The following SLC35D1 variants were observed in gnomAD, a reference collection of about 807,000 sequenced individuals.
SLC35D1 encodes the protein solute carrier family 35 member D1.
Under a neutral mutation model 46.7 loss-of-function variants are expected in SLC35D1, and 31 were observed. The ratio of observed to expected loss-of-function variants is 0.66; its 90% confidence interval spans 0.50 to 0.90. The LOEUF (loss-of-function observed/expected upper bound fraction) is 0.90, where lower values mean the gene tolerates loss of function less well. Among genes scored for constraint, SLC35D1 ranks in the 40% least tolerant of loss-of-function variants. The probability of loss-of-function intolerance (pLI) is 0.00; values close to 1 mark genes in which losing one functional copy is unlikely to be tolerated. For synonymous variants in SLC35D1, 195 were observed against 164.6 expected, an observed-to-expected ratio of 1.18 and a Z score of -1.41; for missense variants, 397 against 426.2, an observed-to-expected ratio of 0.93 and a Z score of 0.60.
intron 11 of SLC35D1, chr1:67,008,435 G>A: frequency 2.3e-6 from 3 of 1,288,606 alleles, no homozygotes; most frequent in Non-Finnish European, 3.0e-6. Context: ...AGAGACCTCT[G>A]TGGCAGATAC....
At chr1:66,987,799 A>G in the SLC35D1 span, 6 of 152,186 alleles carry the variant, frequency 3.9e-5, no homozygotes, top group African/African-American at 1.4e-4. Context: ...TTCTATTCCT[A>G]GACATATTGC....
At chr1:67,027,565 C>T (rs907441345) in intron 8 of SLC35D1, among the ~76,000 whole-genome samples, 4 of 152,146 alleles carry the variant, frequency 2.6e-5, no homozygotes, top group Non-Finnish European at 5.9e-5. Context: ...TGAGCCACCT[C>T]ATCCCAGCTA....
Position 67,000,510 on chromosome 1 carries a change from GAC to G in SLC35D1, c.*3828_*3829del, listed in dbSNP as rs1280790011. The G allele has an allele frequency of 6.6e-6, 1 of 152,216 alleles. No homozygotes were observed. Among genetic ancestry groups the G allele is most frequent in the Non-Finnish European group, 1.5e-5 (1 of 68,016 alleles). 9.4% of individuals were successfully genotyped at this position (152,216 alleles called of 1,614,324 possible). A position where few individuals can be genotyped will look rare whatever the true frequency, so the allele number is the denominator to read the frequency against. On this transcript the variant is annotated 3_prime_UTR_variant, in exon 12 of 12. Coordinates refer to ENST00000235345, the MANE Select transcript of SLC35D1 (RefSeq NM_015139.3). Reference sequence around the variant, plus strand: ...TACCTAAGGATTCTAGAGGCAATGAGACACAGAGTCCTGTTTTTCAGGACAGA... The same window carrying G: ...TACCTAAGGATTCTAGAGGCAATGAGACAGAGTCCTGTTTTTCAGGACAGA...
At chr1:66,974,835 T>C in the SLC35D1 span, among the ~76,000 whole-genome samples, 1 of 152,152 alleles carries the variant, frequency 6.6e-6, no homozygotes, top group South Asian at 2.1e-4. Context: ...AAAGTTCAGA[T>C]CTTAATCATA....
At position 67,000,885 on chromosome 1, in the gene SLC35D1, C is replaced by A. The variant is rs1667325784; in HGVS notation, c.*3455G>T. The A allele has an allele frequency of 6.6e-6, 1 of 152,182 alleles. No individual in the cohort carries two copies. The allele number at this position is 152,182 out of a possible 1,614,324, so 9.4% of individuals were successfully genotyped here. ...TTAACTAATATGAGTTACAAAAGTC[C>A]TCTCGGATTAAAAAAATGCTTTAGC... On this transcript the variant is annotated 3_prime_UTR_variant, in exon 12 of 12. Transcript: ENST00000235345.
chr1:67,021,724 G>GACAC (rs35069681), intron 8 of SLC35D1, 122 bp from the exon 9 acceptor site: 115 of 422,712 alleles, frequency 2.7e-4, no homozygotes, highest in African/African-American at 7.9e-4. Flanking sequence ...CACAGACACA[G>GACAC]ACACACACAC....
intron 8 of SLC35D1, chr1:67,031,874 A>G (rs1462572870): frequency 5.4e-6 from 1 of 185,216 alleles, no homozygotes; most frequent in Non-Finnish European, 1.0e-5. Flanking sequence ...TTTGCAAGCG[A>G]ATTTTTTATT....
chr1:67,031,181 T>C (rs919681638), intron 8 of SLC35D1, among the ~76,000 whole-genome samples: 1 of 152,128 alleles, frequency 6.6e-6, no homozygotes, highest in African/African-American at 2.4e-5. Flanking sequence ...AGAAAAATAA[T>C]TCTCATGGGA....
chr1:67,030,009 G>GTT (rs112700204), intron 8 of SLC35D1, among the ~76,000 whole-genome samples: 69 of 144,244 alleles, frequency 4.8e-4, no homozygotes, highest in African/African-American at 1.5e-3. Context: ...TTTGCACTAA[G>GTT]TTTTTTTTTT....
intron 9 of SLC35D1, among the ~76,000 whole-genome samples, chr1:67,020,759 C>T (rs1312629162): frequency 6.6e-6 from 1 of 152,170 alleles, no homozygotes; most frequent in Admixed American, 6.5e-5. Context: ...ACAGAAAGCT[C>T]AGAGCTCACA....
At chr1:66,993,262 T>C in the SLC35D1 span, among the ~76,000 whole-genome samples, 1 of 152,226 alleles carries the variant, frequency 6.6e-6, no homozygotes, top group Non-Finnish European at 1.5e-5. Flanking sequence ...CAGGTTGGAC[T>C]CTACGCACTG....
chr1:67,042,449 A>G, intron 7 of SLC35D1, 121 bp from the exon 8 acceptor site: 7 of 844,766 alleles, frequency 8.3e-6, no homozygotes, highest in Non-Finnish European at 1.4e-5. Context: ...CCTACAACAT[A>G]CACAGCAAAT....
chr1:67,024,275 T>C (rs1350823359), intron 8 of SLC35D1, among the ~76,000 whole-genome samples: 1 of 152,172 alleles, frequency 6.6e-6, no homozygotes, highest in Non-Finnish European at 1.5e-5. Flanking sequence ...TAGTGTCTTT[T>C]GAAGAGCAAA....
the SLC35D1 span, chr1:66,986,668 C>G: frequency 1.9e-6 from 1 of 515,192 alleles, no homozygotes. Flanking sequence ...CACTTGACTT[C>G]ATCTTAATGT....
intron 8 of SLC35D1, among the ~76,000 whole-genome samples, chr1:67,037,341 G>C (rs529228118): frequency 3.3e-5 from 5 of 151,950 alleles, no homozygotes; most frequent in Admixed American, 6.6e-5. Context: ...CCTAGGTTAA[G>C]GAAATTAAGA....
the SLC35D1 span, among the ~76,000 whole-genome samples, chr1:66,976,310 A>G: frequency 6.6e-6 from 1 of 152,190 alleles, no homozygotes; most frequent in Non-Finnish European, 1.5e-5. Flanking sequence ...CCAACTTCCA[A>G]GCATTTTTAA....
downstream of SLC35D1, among the ~76,000 whole-genome samples, chr1:66,995,846 T>G (rs1158194815): frequency 6.6e-6 from 1 of 152,204 alleles, no homozygotes; most frequent in African/African-American, 2.4e-5. Flanking sequence ...CATAATTCTG[T>G]CATCATTTGT....
intron 8 of SLC35D1, among the ~76,000 whole-genome samples, chr1:67,022,136 T>G (rs549370823): frequency 6.6e-6 from 1 of 152,172 alleles, no homozygotes; most frequent in Non-Finnish European, 1.5e-5. Context: ...GTATTTTGTG[T>G]TGTTGTTGTT....
intron 10 of SLC35D1, among the ~76,000 whole-genome samples, chr1:67,012,473 C>T (rs58083543): frequency 0.2 from 28,687 of 140,212 alleles, 5,031 homozygotes; most frequent in African/African-American, 0.49. Flanking sequence ...TAGATTGAGT[C>T]ACTATTAAAA....
Sources: allele counts gnomAD v4.1 joint callset (sites outside exome capture counted in the v4.1 genomes callset), GRCh38; gene constraint gnomAD v4.1.1; transcripts MANE v1.5; gene names NCBI Gene and HGNC (gene_info 2026-07-23, HGNC 2026-07-21).